The following GPR135 variants were observed in gnomAD, a reference collection of about 807,000 sequenced individuals.
GPR135 encodes G protein-coupled receptor 135, also known as G-protein coupled receptor 135.
In GPR135, 17 loss-of-function variants were observed where a neutral mutation model predicts 15.0. The observed-to-expected ratio is 1.13, with a 90% CI of 0.78 to 1.70. The LOEUF is 1.70. GPR135 is among the 40% of genes most tolerant of loss of function. GPR135 has a pLI of 0.00. For missense variants in GPR135, 776 were observed against 727.0 expected, an observed-to-expected ratio of 1.07 and a Z score of -0.78; for synonymous variants, 368 against 349.4, an observed-to-expected ratio of 1.05 and a Z score of -0.59.
chr14:59,464,755 G>A lies in GPR135; in HGVS notation c.472C>T (p.Pro158Ser). Residue 158 changes from proline (P) to serine (S), a missense_variant, in exon 1 of 1, where the codon CCC (proline) becomes TCC (serine). Pro to Ser is a moderately conservative substitution (Grantham distance 74, BLOSUM62 -1). Coordinates refer to ENST00000395116, the MANE Select transcript of GPR135 (RefSeq NM_022571.6). ...GTGAAGAGGTCCAGGAAGGCGGCGGGCAGGCAGAGCAGCGCCGTGAGCAGA... is the reference window on the plus strand; with the variant it reads ...GTGAAGAGGTCCAGGAAGGCGGCGGACAGGCAGAGCAGCGCCGTGAGCAGA... Reference protein sequence around the residue: ...SDLLTALLCLPAAFLDLFTPP... With the variant: ...SDLLTALLCLSAAFLDLFTPP... 6.4e-7 allele frequency: 1 copy of A among 1,567,258 alleles called. No individual in the cohort carries two copies. The highest frequency in any genetic ancestry group is 8.6e-7 in the Non-Finnish European group (1 of 1,156,250).
chr14:59,459,372 T>C (rs549220531), downstream of GPR135, among the ~76,000 whole-genome samples: 16 of 152,202 alleles, frequency 1.1e-4, no homozygotes, highest in East Asian at 3.1e-3. Context: ...TGAGGTGGAG[T>C]AATAATTTTT....
At position 59,465,130 on chromosome 14, in the gene GPR135, T is replaced by A; in HGVS notation, c.97A>T (p.Thr33Ser). Residue 33 changes from threonine to serine, a missense_variant, in exon 1 of 1, where the codon ACT becomes TCT. Thr to Ser is a moderately conservative substitution (Grantham distance 58, BLOSUM62 1). Transcript: ENST00000395116. ...APSAAGPPGG[T>S]SSAATAAVLS... ...ACGGCCGCCGTGGCCGCGGAGGAAG[T>A]CCCGCCAGGTGGGCCGGCCGCGGAG... 1 of 1,374,350 alleles carries A rather than the reference T, an allele frequency of 7.3e-7. No individual in the cohort carries two copies. The highest frequency in any genetic ancestry group is 9.4e-7 in the Non-Finnish European group (1 of 1,063,288). The allele number at this position is 1,374,350 out of a possible 1,614,324, so 85.1% of individuals were successfully genotyped here. A position where few individuals can be genotyped will look rare whatever the true frequency, so the allele number is the denominator to read the frequency against.
chr14:59,454,750 A>G (rs1420565723), intron 6 of GPR135, among the ~76,000 whole-genome samples: 1 of 152,196 alleles, frequency 6.6e-6, no homozygotes, highest in Non-Finnish European at 1.5e-5. Context: ...TAAAAGCCAG[A>G]ATGACTATCC....
Position 59,460,829 on chromosome 14 carries a change from GA to G in GPR135, c.*2912del, listed in dbSNP as rs1359283155. 1 of 152,168 alleles carries G rather than the reference GA, an allele frequency of 6.6e-6. No homozygotes were observed. Among genetic ancestry groups the G allele is most frequent in the African/African-American group, 2.4e-5 (1 of 41,430 alleles). 9.4% of individuals were successfully genotyped at this position (152,168 alleles called of 1,614,324 possible). A position where few individuals can be genotyped will look rare whatever the true frequency, so the allele number is the denominator to read the frequency against. Reference sequence around the variant, plus strand: ...TAGCTTTTCTTTCTCGTTTTCCCATGAAGTCACTATAATTGCATACTCATAG... The same window carrying G: ...TAGCTTTTCTTTCTCGTTTTCCCATGAGTCACTATAATTGCATACTCATAG... On this transcript the variant is annotated 3_prime_UTR_variant, in exon 1 of 1. Transcript: ENST00000395116.
intron 6 of GPR135, among the ~76,000 whole-genome samples, chr14:59,453,702 T>C (rs191100256): frequency 6.6e-6 from 1 of 152,296 alleles, no homozygotes; most frequent in Non-Finnish European, 1.5e-5. Flanking sequence ...ATAATGACTT[T>C]GGGGTTGAAA....
At chr14:59,457,763 T>C (rs1888709256), downstream of GPR135, among the ~76,000 whole-genome samples, 1 of 152,272 alleles carries the variant, frequency 6.6e-6, no homozygotes, top group Non-Finnish European at 1.5e-5. Flanking sequence ...TATTTGAACA[T>C]ATTCATAATG....
At chr14:59,456,683 T>C (rs200399664), downstream of GPR135, 20 of 152,352 alleles carry the variant, frequency 1.3e-4, no homozygotes, top group East Asian at 3.7e-3. Context: ...AGTTGCTTCA[T>C]TGCAGTATTA....
At position 59,460,913 on chromosome 14, in the gene GPR135, T is replaced by C. The variant is rs183849976; in HGVS notation, c.*2829A>G. 1 of 152,368 alleles carries C rather than the reference T, an allele frequency of 6.6e-6. No homozygotes were observed. The highest frequency in any genetic ancestry group is 1.9e-4 in the East Asian group (1 of 5,190). The allele number at this position is 152,368 out of a possible 1,614,324, so 9.4% of individuals were successfully genotyped here. A position where few individuals can be genotyped will look rare whatever the true frequency, so the allele number is the denominator to read the frequency against. On this transcript the variant is annotated 3_prime_UTR_variant, in exon 1 of 1. Transcript: ENST00000395116. ...TTTTGAGAATCATTCTTTCTTCACC[T>C]TTTGAGGTATTGATTGTCTAAGTAT...
At chr14:59,454,884 G>A (rs112653345) in intron 6 of GPR135, among the ~76,000 whole-genome samples, 6,028 of 152,082 alleles carry the variant, frequency 0.04, 167 homozygotes, top group Middle Eastern at 0.11. Flanking sequence ...GGCAGATCAC[G>A]TGGTCAGGAG....
Position 59,465,137 on chromosome 14 carries a change from A to T in GPR135, c.90T>A (p.Pro30=). 1 of 1,365,034 alleles carries T rather than the reference A, an allele frequency of 7.3e-7. No individual in the cohort carries two copies. 84.6% of individuals were successfully genotyped at this position (1,365,034 alleles called of 1,614,324 possible). ...CCGTGGCCGCGGAGGAAGTCCCGCC[A>T]GGTGGGCCGGCCGCGGAGGGGGCGC... ...HSGAPSAAGP[P]GGTSSAATAA... The change falls in exon 1 of 1, where the codon CCT becomes CCA. Residue 30 remains proline (P), a synonymous_variant. Transcript: ENST00000395116.
Position 59,465,298 on chromosome 14 carries a change from T to G in GPR135, c.-72A>C. On this transcript the variant is annotated 5_prime_UTR_variant, in exon 1 of 1. Coordinates refer to ENST00000395116, the MANE Select transcript of GPR135 (RefSeq NM_022571.6). ...GCGGCCGCTAGGTCGGAGTGGTGGC[T>G]CGGGGCCGGGGGCTAGCGGCCGCCG... 3 of 1,102,232 alleles carry G rather than the reference T, an allele frequency of 2.7e-6. No homozygotes were observed. Among genetic ancestry groups the G allele is most frequent in the Non-Finnish European group, 2.3e-6 (2 of 881,586 alleles). The allele number at this position is 1,102,232 out of a possible 1,614,324, so 68.3% of individuals were successfully genotyped here. A position where few individuals can be genotyped will look rare whatever the true frequency, so the allele number is the denominator to read the frequency against.
chr14:59,456,295 A>C (rs1888651614), downstream of GPR135: 1 of 152,242 alleles, frequency 6.6e-6, no homozygotes, highest in Admixed American at 6.5e-5. Context: ...ATTAGTTTAT[A>C]TCATTTGAAG....
rs771478195 is a variant in GPR135, at chr14:59,463,918, G to T, written c.1309C>A (p.Arg437=). 1.9e-6 allele frequency: 3 copies of T among 1,614,022 alleles called. No homozygotes were observed. The highest frequency in any genetic ancestry group is 2.5e-6 in the Non-Finnish European group (3 of 1,179,960). The change falls in exon 1 of 1, where the codon CGG becomes AGG. Residue 437 remains arginine, a synonymous_variant. Transcript: ENST00000395116. ...RSRLRNRYAN[R]LGACNRMSSS... Reference sequence around the variant, plus strand: ...GACATCCTGTTGCAGGCCCCCAGCCGGTTGGCATAGCGGTTTCGAAGGCGA... The same window carrying T: ...GACATCCTGTTGCAGGCCCCCAGCCTGTTGGCATAGCGGTTTCGAAGGCGA...
Position 59,453,369 on chromosome 14 carries a change from T to C in GPR135, c.*874+2315A>G, listed in dbSNP as rs550014000. On this transcript the variant is annotated intron_variant and NMD_transcript_variant, in intron 6 of 6. Coordinates refer to the GPR135 transcript ENST00000481661. ...GGGAAATCTCTGTACTTTCACTCAA[T>C]TTTGCTGTGAACCTAAAGATGCTCT... is the stretch of plus-strand genomic sequence containing the variant. Among the ~76,000 whole-genome samples, 5 of 152,238 alleles carry C rather than the reference T, an allele frequency of 3.3e-5. No individual in the cohort carries two copies. In the East Asian group the frequency reaches 9.7e-4, roughly 29 times the overall value.
In GPR135 at chr14:59,464,977, C is replaced by A; in HGVS notation, c.250G>T (p.Ala84Ser). The change falls in exon 1 of 1, where the codon GCG becomes TCG. Residue 84 changes from alanine to serine, a missense_variant. Ala to Ser is a moderately conservative substitution (Grantham distance 99). Coordinates refer to ENST00000395116, the MANE Select transcript of GPR135 (RefSeq NM_022571.6). ...GSGAAREAGA[A>S]VRRPLGPEAA... Reference sequence around the variant, plus strand: ...TCCGGGCCTAGCGGCCGCCTCACCGCCGCCCCCGCCTCCCGCGCTGCCCCG... The same window carrying A: ...TCCGGGCCTAGCGGCCGCCTCACCGACGCCCCCGCCTCCCGCGCTGCCCCG... 6.8e-7 allele frequency: 1 copy of A among 1,466,436 alleles called. No individual in the cohort carries two copies. The highest frequency in any genetic ancestry group is 9.0e-7 in the Non-Finnish European group (1 of 1,114,296). 90.8% of individuals were successfully genotyped at this position (1,466,436 alleles called of 1,614,324 possible).
Position 59,462,575 on chromosome 14 carries a change from C to A in GPR135, c.*1167G>T, listed in dbSNP as rs1888906764. The A allele has an allele frequency of 6.6e-6, 1 of 152,126 alleles. No homozygotes were observed. The highest frequency in any genetic ancestry group is 2.4e-5 in the African/African-American group (1 of 41,430). The allele number at this position is 152,126 out of a possible 1,614,324, so 9.4% of individuals were successfully genotyped here. A position where few individuals can be genotyped will look rare whatever the true frequency, so the allele number is the denominator to read the frequency against. Reference sequence around the variant, plus strand: ...TCGACAAGTCATAGCTATAAAGCAACCATCAGCTATTTTAAAAAATACAAA... The same window carrying A: ...TCGACAAGTCATAGCTATAAAGCAAACATCAGCTATTTTAAAAAATACAAA... On this transcript the variant is annotated 3_prime_UTR_variant, in exon 1 of 1. Transcript: ENST00000395116.
At chr14:59,457,106 T>C (rs967326330), downstream of GPR135, among the ~76,000 whole-genome samples, 3 of 152,204 alleles carry the variant, frequency 2.0e-5, no homozygotes, top group Non-Finnish European at 4.4e-5. Flanking sequence ...CAGTTTTTTC[T>C]TTTAGCACTT....
downstream of GPR135, among the ~76,000 whole-genome samples, chr14:59,457,420 CTCT>C (rs1019611655): frequency 2.0e-5 from 3 of 152,076 alleles, no homozygotes; most frequent in African/African-American, 4.8e-5. Context: ...GCTCTTTTTT[CTCT>C]TCTTTTTTTG....
rs575978145 is a variant in GPR135, at chr14:59,462,638, T to C, written c.*1104A>G. ...TCTAAATGTAGGAGGGTATGATCTA[T>C]TTGGAAAAGTCTACGCTAATTCCAA... On this transcript the variant is annotated 3_prime_UTR_variant, in exon 1 of 1. Transcript: ENST00000395116. 6.6e-5 allele frequency: 10 copies of C among 152,328 alleles called. No homozygotes were observed. The highest frequency in any genetic ancestry group is 2.4e-4 in the African/African-American group (10 of 41,576). The allele number at this position is 152,328 out of a possible 1,614,324, so 9.4% of individuals were successfully genotyped here.
Sources: allele counts gnomAD v4.1 joint callset (sites outside exome capture counted in the v4.1 genomes callset), GRCh38; gene constraint gnomAD v4.1.1; transcripts MANE v1.5; gene names NCBI Gene and HGNC (gene_info 2026-07-23, HGNC 2026-07-21).